Variants in FHIT observed in about 807,000 individuals in gnomAD.
FHIT encodes fragile histidine triad diadenosine triphosphatase, also known as bis(5'-adenosyl)-triphosphatase.
A neutral mutation model predicts 17.9 loss-of-function variants in FHIT; 19 were observed. That is an observed-to-expected ratio of 1.06 (90% CI 0.74 to 1.56). The LOEUF (loss-of-function observed/expected upper bound fraction) is 1.56, where lower values mean the gene tolerates loss of function less well. Ranked by LOEUF, FHIT falls within the 40% of genes most tolerant of loss-of-function variation. The pLI, the probability that FHIT is intolerant of heterozygous loss-of-function variation, is 0.00. For synonymous variants in FHIT, 81 were observed against 69.7 expected (o/e 1.16, Z -0.81); for missense variants, 248 against 189.2 (o/e 1.31, Z -1.82).
intron 4 of FHIT, among the ~76,000 whole-genome samples, chr3:60,570,055 A>G (rs1011451772): frequency 3.9e-5 from 6 of 152,100 alleles, no homozygotes. Flanking sequence ...AGCCCAGACT[A>G]TGCCACAAAT....
At chr3:60,715,039 A>G (rs2041645200) in intron 4 of FHIT, among the ~76,000 whole-genome samples, 1 of 152,208 alleles carries the variant, frequency 6.6e-6, no homozygotes, top group African/African-American at 2.4e-5. Flanking sequence ...AAACTATACT[A>G]CAAGGCTACA....
At position 60,112,052 on chromosome 3, in the gene FHIT, G is replaced by A. The variant is rs1375260096; in HGVS notation, c.104-97900C>T. Among the ~76,000 whole-genome samples, 5 of 152,214 alleles carry A rather than the reference G, an allele frequency of 3.3e-5. No homozygotes were observed. The South Asian group carries it at 1.0e-3, about 32-fold the overall frequency. On this transcript the variant is annotated intron_variant, in intron 5 of 9. Coordinates refer to ENST00000492590, the MANE Select transcript of FHIT (RefSeq NM_002012.4). ...TATTGTCTCACACACTAAGATAAGT[G>A]GCTCAGTGAAGCTAAGTATGGGATT...
chr3:60,334,400 G>C (rs1313313035), intron 5 of FHIT, among the ~76,000 whole-genome samples: 1 of 152,160 alleles, frequency 6.6e-6, no homozygotes, highest in Admixed American at 6.5e-5. Flanking sequence ...AGAGTCTCTA[G>C]ACTTTACTTT....
At chr3:60,417,935 T>G (rs552403333) in intron 5 of FHIT, among the ~76,000 whole-genome samples, 2 of 152,216 alleles carry the variant, frequency 1.3e-5, no homozygotes, top group Non-Finnish European at 2.9e-5. Context: ...GAGCATTTTA[T>G]GAACTCCCAT....
intron 2 of FHIT, among the ~76,000 whole-genome samples, chr3:61,150,983 A>C (rs748516720): frequency 3.9e-5 from 6 of 152,250 alleles, no homozygotes; most frequent in Admixed American, 2.6e-4. Flanking sequence ...GCCACAGTAC[A>C]TACCTTTAAA....
intron 5 of FHIT, among the ~76,000 whole-genome samples, chr3:60,122,989 A>C (rs1159879713): frequency 3.3e-5 from 5 of 152,172 alleles, no homozygotes; most frequent in African/African-American, 1.2e-4. Context: ...TATGCCTTGT[A>C]ATGGGCTGGT....
intron 4 of FHIT, among the ~76,000 whole-genome samples, chr3:60,641,530 A>G (rs528135722): frequency 6.6e-6 from 1 of 152,320 alleles, no homozygotes; most frequent in African/African-American, 2.4e-5. Context: ...ACAAGCATGA[A>G]AAGAATGAAA....
intron 7 of FHIT, among the ~76,000 whole-genome samples, chr3:59,932,150 T>C (rs1706003859): frequency 6.6e-6 from 1 of 152,130 alleles, no homozygotes; most frequent in African/African-American, 2.4e-5. Context: ...ATGCATCCAT[T>C]TTGCCAATCA....
Position 60,162,081 on chromosome 3 carries a change from T to C in FHIT, c.104-147929A>G, listed in dbSNP as rs188672355. The stretch of plus-strand genomic sequence containing the variant: ...AATGTTAGAAAAGTATGGAAAGCCC[T>C]AGAAATTTCAAAAGTCCAGCTCTGT... On this transcript the variant is annotated intron_variant, in intron 5 of 9. Coordinates refer to ENST00000492590, the MANE Select transcript of FHIT (RefSeq NM_002012.4). Among the ~76,000 whole-genome samples the C allele has an allele frequency of 3.1e-3, 468 of 152,146 alleles. 1 individual carries two copies. Among genetic ancestry groups the C allele is most frequent in the Non-Finnish European group, 4.3e-3 (291 of 68,014 alleles).
At chr3:60,615,119 T>C (rs1487811630) in intron 4 of FHIT, among the ~76,000 whole-genome samples, 1 of 152,142 alleles carries the variant, frequency 6.6e-6, no homozygotes, top group Non-Finnish European at 1.5e-5. Context: ...AAATTTCTTA[T>C]ATCAAATGAC....
At chr3:59,966,327 T>G (rs2107364264) in intron 7 of FHIT, among the ~76,000 whole-genome samples, 1 of 152,318 alleles carries the variant, frequency 6.6e-6, no homozygotes, top group South Asian at 2.1e-4. Flanking sequence ...GGGCATAACC[T>G]GTGCAACTCA....
chr3:61,132,310 G>A (rs1332928309), intron 2 of FHIT, among the ~76,000 whole-genome samples: 4 of 152,178 alleles, frequency 2.6e-5, no homozygotes, highest in South Asian at 4.1e-4. Flanking sequence ...TTCTGTTTCA[G>A]TTCCCCAGTT....
intron 5 of FHIT, among the ~76,000 whole-genome samples, chr3:60,283,033 C>T (rs1707537234): frequency 6.6e-6 from 1 of 152,066 alleles, no homozygotes; most frequent in South Asian, 2.1e-4. Flanking sequence ...TAACAGATGG[C>T]AGAACCCTCA....
intron 1 of FHIT, among the ~76,000 whole-genome samples, chr3:61,210,151 C>T (rs1296627037): frequency 6.6e-6 from 1 of 152,196 alleles, no homozygotes; most frequent in East Asian, 1.9e-4. Flanking sequence ...GCAAATGCTA[C>T]TGCTTGATCG....
At chr3:60,817,598 G>A (rs1026683320) in intron 4 of FHIT, among the ~76,000 whole-genome samples, 3 of 151,742 alleles carry the variant, frequency 2.0e-5, no homozygotes, top group South Asian at 2.1e-4. Context: ...CTGATGAGAC[G>A]TCATCGTTCA....
At chr3:61,056,471 C>T (rs1311537492) in intron 2 of FHIT, among the ~76,000 whole-genome samples, 1 of 152,106 alleles carries the variant, frequency 6.6e-6, no homozygotes, top group Admixed American at 6.5e-5. Flanking sequence ...ACAACAATGC[C>T]AGGTTATAAT....
intron 4 of FHIT, chr3:60,730,004 TG>T (rs1160734365): frequency 9.1e-5 from 29 of 318,746 alleles, no homozygotes; most frequent in African/African-American, 6.3e-4. Context: ...CCAAGGTGTT[TG>T]GTAAACAGTA....
At chr3:60,303,338 T>G (rs997565545) in intron 5 of FHIT, among the ~76,000 whole-genome samples, 19 of 152,218 alleles carry the variant, frequency 1.2e-4, no homozygotes, top group African/African-American at 4.6e-4. Context: ...ATAAGGCTAA[T>G]GGGTTTCAGC....
chr3:60,227,150 G>A (rs776028123), intron 5 of FHIT, among the ~76,000 whole-genome samples: 1 of 151,900 alleles, frequency 6.6e-6, no homozygotes, highest in Non-Finnish European at 1.5e-5. Context: ...AAATGGGCTG[G>A]GGCAATGAGC....
Sources: allele counts gnomAD v4.1 joint callset (sites outside exome capture counted in the v4.1 genomes callset), GRCh38; gene constraint gnomAD v4.1.1; transcripts MANE v1.5; gene names NCBI Gene and HGNC (gene_info 2026-07-23, HGNC 2026-07-21).